Variants in TNRC18 observed in about 807,000 individuals in gnomAD.
TNRC18 encodes the protein trinucleotide repeat containing 18, also known as trinucleotide repeat-containing gene 18 protein.
A neutral mutation model predicts 226.7 loss-of-function variants in TNRC18; 69 were observed. The ratio of observed to expected loss-of-function variants is 0.30; its 90% CI spans 0.25 to 0.37. The LOEUF is 0.37. Ranked by LOEUF, TNRC18 falls within the 10% of genes least tolerant of loss-of-function variation. The pLI is 1.00. For missense variants in TNRC18, 4,754 were observed against 4,256.6 expected, an observed-to-expected ratio of 1.12 and a Z score of -3.25; for synonymous variants, 2,449 against 1,927.6, an observed-to-expected ratio of 1.27 and a Z score of -7.09.
chr7:5,388,664 G>C lies in TNRC18; in HGVS notation c.1160C>G (p.Pro387Arg). The C allele has an allele frequency of 1.6e-6, 2 of 1,270,456 alleles. No homozygotes were observed. The highest frequency in any genetic ancestry group is 2.0e-6 in the Non-Finnish European group (2 of 1,005,916). The allele number at this position is 1,270,456 out of a possible 1,614,324, so 78.7% of individuals were successfully genotyped here. A position where few individuals can be genotyped will look rare whatever the true frequency, so the allele number is the denominator to read the frequency against. ...GCGCGCCTGGGATGCGATCTGGATG[G>C]GCCCCGGGCGCTCGTCGAAGGCCTC... ...SVEAFDERPG[P>R]IQIASQARDA... Residue 387 changes from proline to arginine, a missense_variant, in exon 5 of 30, where the codon CCC becomes CGC. Coordinates refer to ENST00000430969, the MANE Select transcript of TNRC18 (RefSeq NM_001080495.3).
chr7:5,320,607 T>C lies in TNRC18; in HGVS notation c.6561A>G (p.Ile2187Met). 6.2e-7 allele frequency: 1 copy of C among 1,611,200 alleles called. No individual in the cohort carries two copies. The highest frequency in any genetic ancestry group is 1.1e-5 in the South Asian group (1 of 90,798). The change falls in exon 23 of 30, where the codon ATA (isoleucine) becomes ATG (methionine). Residue 2187 changes from isoleucine (I) to methionine (M), a missense_variant and splice_region_variant. Coordinates refer to ENST00000430969, the MANE Select transcript of TNRC18 (RefSeq NM_001080495.3). Reference sequence around the variant, plus strand: ...GCTCACCCTCCACCACCACGCGGTATCTGTAGGAGCAAACGAGGCGTGAGG... The same window carrying C: ...GCTCACCCTCCACCACCACGCGGTACCTGTAGGAGCAAACGAGGCGTGAGG... ...GHVQTVHSPD[I>M]YRVVVEGERG...
In TNRC18 at chr7:5,419,180, G is replaced by C. The variant is rs190246852; in HGVS notation, c.187+1880C>G. The stretch of plus-strand genomic sequence containing the variant: ...ACCTCAGCCTCACCATCCAGCAAAT[G>C]GGCATTAGGCCGTCTGACTGCTGCG... On this transcript the variant is annotated intron_variant, in intron 2 of 29. Coordinates refer to ENST00000430969, the MANE Select transcript of TNRC18 (RefSeq NM_001080495.3). Among the ~76,000 whole-genome samples, 112 of 152,396 alleles carry C rather than the reference G, an allele frequency of 7.3e-4. 1 individual carries two copies. The East Asian group carries it at 0.016, about 22-fold the overall frequency.
chr7:5,373,932 C>T lies in TNRC18; in HGVS notation c.3229+123G>A, dbSNP rs115554000. 1.1e-3 allele frequency: 807 copies of T among 738,172 alleles called. 3 individuals are homozygous for T. In the African/African-American group the frequency reaches 0.013, roughly 12 times the overall value. The allele number at this position is 738,172 out of a possible 1,614,324, so 45.7% of individuals were successfully genotyped here. On this transcript the variant is annotated intron_variant, in intron 10 of 29. Transcript: ENST00000430969. ...TCAGTGTCTGGCGGCAGGCCTGGGA[C>T]GCAGGAGGTGCTCCGTGGAGGTGGA...
At chr7:5,343,430 C>T (rs995087599) in intron 18 of TNRC18, among the ~76,000 whole-genome samples, 9 of 152,034 alleles carry the variant, frequency 5.9e-5, no homozygotes, top group African/African-American at 2.2e-4. Context: ...TTGGTTTGGT[C>T]TTTTATTTTT....
In TNRC18 at chr7:5,370,966, C is replaced by T. The variant is rs1489310067; in HGVS notation, c.3628G>A (p.Gly1210Arg). 5 of 1,605,620 alleles carry T rather than the reference C, an allele frequency of 3.1e-6. No homozygotes were observed. The highest frequency in any genetic ancestry group is 2.2e-5 in the East Asian group (1 of 44,878). Reference protein sequence around the residue: ...LLEAQALSATGQSCAEPSECP... With the variant: ...LLEAQALSATRQSCAEPSECP... ...TCAGAGGGCTCTGCGCAGCTCTGCC[C>T]GGTGGCACTCAGCGCCTGGGCCTCC... The change falls in exon 11 of 30, where the codon GGG (glycine) becomes AGG (arginine). Residue 1210 changes from glycine (G) to arginine (R), a missense_variant. By Grantham distance (125) the Gly-to-Arg change is moderately radical. Coordinates refer to ENST00000430969, the MANE Select transcript of TNRC18 (RefSeq NM_001080495.3).
chr7:5,336,688 G>C (rs200132363), intron 18 of TNRC18, among the ~76,000 whole-genome samples: 1 of 152,214 alleles, frequency 6.6e-6, no homozygotes, highest in Non-Finnish European at 1.5e-5. Context: ...GCTTCAGTGA[G>C]CCATGATTGT....
chr7:5,365,583 C>T (rs1793533048), intron 11 of TNRC18, among the ~76,000 whole-genome samples: 1 of 151,996 alleles, frequency 6.6e-6, no homozygotes, highest in Admixed American at 6.6e-5. Flanking sequence ...TAGTCTCTAC[C>T]AAATTTAAAT....
chr7:5,361,189 G>A (rs1793002320), intron 14 of TNRC18, among the ~76,000 whole-genome samples: 1 of 152,184 alleles, frequency 6.6e-6, no homozygotes, highest in African/African-American at 2.4e-5. Flanking sequence ...GGGCAAGCCA[G>A]CAGGTCCGGC....
chr7:5,320,820 G>A (rs73673115), intron 22 of TNRC18, among the ~76,000 whole-genome samples: 4,479 of 152,340 alleles, frequency 0.029, 189 homozygotes, highest in African/African-American at 0.097. Flanking sequence ...TCCAGATCCT[G>A]AGAGAGGCCA....
At chr7:5,310,956 G>C (rs934069885) in intron 27 of TNRC18, among the ~76,000 whole-genome samples, 7 of 152,232 alleles carry the variant, frequency 4.6e-5, no homozygotes, top group Non-Finnish European at 1.0e-4. Context: ...GTTTGTGTGT[G>C]TGCACGTGTA....
chr7:5,375,494 C>T (rs1269254816), intron 9 of TNRC18, among the ~76,000 whole-genome samples: 1 of 152,180 alleles, frequency 6.6e-6, no homozygotes, highest in Non-Finnish European at 1.5e-5. Flanking sequence ...AGCACACAGC[C>T]AGGCCTGGCA....
chr7:5,411,583 T>G (rs145223221), intron 2 of TNRC18, among the ~76,000 whole-genome samples: 3 of 142,470 alleles, frequency 2.1e-5, no homozygotes, highest in African/African-American at 7.9e-5. Flanking sequence ...AGTGTGAAGG[T>G]AGAACAAAAG....
At position 5,329,156 on chromosome 7, in the gene TNRC18, A is replaced by T. The variant is rs546112149; in HGVS notation, c.6147+3466T>A. The stretch of plus-strand genomic sequence containing the variant: ...TGTCTCTACTAAAAATACAAAAGTG[A>T]GCCGAGCATGGTGGTGAGCGCCTGT... On this transcript the variant is annotated intron_variant, in intron 19 of 29. Coordinates refer to ENST00000430969, the MANE Select transcript of TNRC18 (RefSeq NM_001080495.3). 1.8e-3 allele frequency among the ~76,000 whole-genome samples: 281 copies of T among 151,998 alleles called. 2 individuals carry two copies. Among genetic ancestry groups the T allele is most frequent in the African/African-American group, 6.4e-3 (267 of 41,472 alleles).
intron 2 of TNRC18, among the ~76,000 whole-genome samples, chr7:5,404,858 A>C (rs1364850521): frequency 6.6e-6 from 1 of 152,002 alleles, no homozygotes; most frequent in African/African-American, 2.4e-5. Context: ...TCATGCCTGT[A>C]ATCCTAGCAC....
At chr7:5,351,414 C>A (rs967756150) in intron 17 of TNRC18, among the ~76,000 whole-genome samples, 1 of 150,660 alleles carries the variant, frequency 6.6e-6, no homozygotes, top group Non-Finnish European at 1.5e-5. Context: ...AAGCCTCCAC[C>A]GAACCCGTGC....
At chr7:5,422,736 G>C (rs562779440) in intron 1 of TNRC18, 1 of 152,132 alleles carries the variant, frequency 6.6e-6, no homozygotes, top group South Asian at 2.1e-4. Context: ...TGCTAAGGGT[G>C]CCTATTTTAA....
chr7:5,365,020 CAT>C (rs201670276), intron 11 of TNRC18, among the ~76,000 whole-genome samples: 2,556 of 141,038 alleles, frequency 0.018, 78 homozygotes, highest in African/African-American at 0.062. Flanking sequence ...TACGCAGAAT[CAT>C]GTGGGGGGGC....
In TNRC18 at chr7:5,388,884, C is replaced by A; in HGVS notation, c.940G>T (p.Gly314Cys). 1 of 1,344,488 alleles carries A rather than the reference C, an allele frequency of 7.4e-7. No individual in the cohort carries two copies. Among genetic ancestry groups the A allele is most frequent in the South Asian group, 1.4e-5 (1 of 70,284 alleles). 83.3% of individuals were successfully genotyped at this position (1,344,488 alleles called of 1,614,324 possible). A position where few individuals can be genotyped will look rare whatever the true frequency, so the allele number is the denominator to read the frequency against. The change falls in exon 5 of 30, where the codon GGC (glycine) becomes TGC (cysteine). Residue 314 changes from glycine to cysteine, a missense_variant. Physicochemically the swap from Gly to Cys is radical, Grantham distance 159. Transcript: ENST00000430969. ...TCCGTGCGCCGCAGCAGCCGCGCGC[C>A]CTCGTCCTGCCGGGCAGCCTCCTTG... is the stretch of plus-strand genomic sequence containing the variant. ...GAKEAARQDE[G>C]ARLLRRTETL... is the part of the protein sequence containing the mutation.
Position 5,389,093 on chromosome 7 carries a change from T to G in TNRC18, c.731A>C (p.Glu244Ala). Residue 244 changes from glutamate to alanine, a missense_variant, in exon 5 of 30, where the codon GAG becomes GCG. Coordinates refer to ENST00000430969, the MANE Select transcript of TNRC18 (RefSeq NM_001080495.3). ...GTCCTGGCGGCCCTCGGCGCGCGCC[T>G]CCTGGGTCAGGTCCACCACGCCCCG... ...GPRGVVDLTQ[E>A]ARAEGRQDRG... 1 of 1,295,942 alleles carries G rather than the reference T, an allele frequency of 7.7e-7. No homozygotes were observed. Among genetic ancestry groups the G allele is most frequent in the South Asian group, 1.8e-5 (1 of 54,882 alleles). The allele number at this position is 1,295,942 out of a possible 1,614,324, so 80.3% of individuals were successfully genotyped here.
Sources: allele counts gnomAD v4.1 joint callset (sites outside exome capture counted in the v4.1 genomes callset), GRCh38; gene constraint gnomAD v4.1.1; transcripts MANE v1.5; gene names NCBI Gene and HGNC (gene_info 2026-07-23, HGNC 2026-07-21).